INPP4B: variants seen among roughly 807,000 people sequenced by gnomAD.
INPP4B encodes inositol polyphosphate-4-phosphatase type II B, also known as inositol polyphosphate 4-phosphatase type II.
INPP4B carries 55 observed loss-of-function variants against 122.5 expected under a neutral mutation model. The ratio of observed to expected loss-of-function variants is 0.45; its 90% CI spans 0.36 to 0.56. The LOEUF (loss-of-function observed/expected upper bound fraction) is 0.56, where lower values mean the gene tolerates loss of function less well. INPP4B is among the 20% of genes least tolerant of loss of function. INPP4B has a pLI of 0.00. For missense variants in INPP4B, 1,000 were observed against 1,097.7 expected, an observed-to-expected ratio of 0.91 and a Z score of 1.26; for synonymous variants, 403 against 388.7, an observed-to-expected ratio of 1.04 and a Z score of -0.43.
At chr4:142,487,797 C>T (rs775743981) in intron 2 of INPP4B, among the ~76,000 whole-genome samples, 9 of 152,098 alleles carry the variant, frequency 5.9e-5, no homozygotes, top group East Asian at 1.9e-4. Context: ...TCTTTATATA[C>T]GCACATATTA....
rs1344951059 is a variant in INPP4B, at chr4:142,412,292, ACTTT to A, written c.137-6972_137-6969del. On this transcript the variant is annotated intron_variant, in intron 5 of 25. Transcript: ENST00000262992. ...AAAAAGCCTAATAGCCCCTCTAATT[ACTTT>A]ATTAGTATAATATGCTTTTCTATTT... 6.6e-5 allele frequency among the ~76,000 whole-genome samples: 10 copies of A among 152,280 alleles called. No homozygotes were observed. The South Asian group carries it at 1.0e-3, about 16-fold the overall frequency.
intron 2 of INPP4B, among the ~76,000 whole-genome samples, chr4:142,585,240 T>C (rs1224029281): frequency 2.0e-5 from 3 of 152,190 alleles, no homozygotes; most frequent in Non-Finnish European, 2.9e-5. Context: ...CACTCAAGAA[T>C]GATGTTAGAA....
At chr4:142,217,348 G>T (rs748365393) in intron 12 of INPP4B, among the ~76,000 whole-genome samples, 13 of 152,162 alleles carry the variant, frequency 8.5e-5, no homozygotes, top group Non-Finnish European at 1.6e-4. Context: ...TTGTCCAACC[G>T]CAGTCTCCTA....
intron 25 of INPP4B, among the ~76,000 whole-genome samples, chr4:142,054,583 G>A (rs949264752): frequency 3.8e-5 from 2 of 53,138 alleles, no homozygotes; most frequent in African/African-American, 6.9e-5. Flanking sequence ...ACAGTCCAGA[G>A]GGTCCCATTT....
At chr4:142,578,172 G>C (rs1734255036) in intron 2 of INPP4B, among the ~76,000 whole-genome samples, 1 of 152,008 alleles carries the variant, frequency 6.6e-6, no homozygotes, top group African/African-American at 2.4e-5. Flanking sequence ...TTGAAGATGT[G>C]AGGGCATCAG....
rs189657649 is a variant in INPP4B, at chr4:142,278,523, G to A, written c.504-7749C>T. Among the ~76,000 whole-genome samples the A allele has an allele frequency of 2.0e-3, 302 of 152,024 alleles. 5 individuals carry two copies. The highest frequency in any genetic ancestry group is 0.018 in the Admixed American group (270 of 15,234). Reference sequence around the variant, plus strand: ...ATGATGGCAGTATTTAGGGCTCACAGGGACCTAAAACTATGAGGGGCAAAA... The same window carrying A: ...ATGATGGCAGTATTTAGGGCTCACAAGGACCTAAAACTATGAGGGGCAAAA... On this transcript the variant is annotated intron_variant, in intron 9 of 25. Transcript: ENST00000262992.
At chr4:142,717,575 T>C (rs771316692) in intron 2 of INPP4B, among the ~76,000 whole-genome samples, 4 of 152,132 alleles carry the variant, frequency 2.6e-5, no homozygotes, top group African/African-American at 9.7e-5. Flanking sequence ...AAAGGATTAG[T>C]TCTTGTCCTT....
At chr4:142,268,322 CAAAAAA>C (rs56908599) in intron 10 of INPP4B, among the ~76,000 whole-genome samples, 131 of 6,908 alleles carry the variant, frequency 0.019, 14 homozygotes, top group East Asian at 0.08. Flanking sequence ...GACTCCGTCT[CAAAAAA>C]AAAAAAAAAA....
intron 1 of INPP4B, among the ~76,000 whole-genome samples, chr4:142,799,753 G>A (rs1777772120): frequency 6.6e-6 from 1 of 151,738 alleles, no homozygotes; most frequent in Non-Finnish European, 1.5e-5. Context: ...CTGCAAGTTT[G>A]TTCCCTGTTT....
chr4:142,738,069 G>C (rs540535942), intron 1 of INPP4B, among the ~76,000 whole-genome samples: 16 of 152,240 alleles, frequency 1.1e-4, no homozygotes, highest in African/African-American at 3.9e-4. Flanking sequence ...CAGGGATCTA[G>C]AACTAGAAAT....
At chr4:142,607,497 A>G (rs1741515779) in intron 2 of INPP4B, among the ~76,000 whole-genome samples, 1 of 152,068 alleles carries the variant, frequency 6.6e-6, no homozygotes, top group Admixed American at 6.6e-5. Context: ...GCTTGATACC[A>G]TCGTTATTAG....
At chr4:142,228,011 G>A (rs1330252128) in intron 12 of INPP4B, among the ~76,000 whole-genome samples, 1 of 151,666 alleles carries the variant, frequency 6.6e-6, no homozygotes, top group African/African-American at 2.4e-5. Flanking sequence ...ATAACATTTG[G>A]TCAAGGATGG....
At chr4:142,627,726 T>C (rs1023513136) in intron 2 of INPP4B, among the ~76,000 whole-genome samples, 1 of 152,014 alleles carries the variant, frequency 6.6e-6, no homozygotes, top group Non-Finnish European at 1.5e-5. Context: ...TTTTTGGTTG[T>C]GTCTCTGCCC....
intron 7 of INPP4B, among the ~76,000 whole-genome samples, chr4:142,336,651 C>T (rs1013256850): frequency 6.6e-6 from 1 of 152,230 alleles, no homozygotes; most frequent in Non-Finnish European, 1.5e-5. Flanking sequence ...CTGTGATTCC[C>T]CTCCTCGTCC....
intron 7 of INPP4B, among the ~76,000 whole-genome samples, chr4:142,395,494 C>T (rs1799077592): frequency 6.6e-6 from 1 of 152,096 alleles, no homozygotes; most frequent in Non-Finnish European, 1.5e-5. Flanking sequence ...ACAGACTTTT[C>T]CCAGACCTTT....
intron 2 of INPP4B, among the ~76,000 whole-genome samples, chr4:142,720,946 T>A (rs13141925): frequency 7.2e-6 from 1 of 139,702 alleles, no homozygotes; most frequent in African/African-American, 2.7e-5. Flanking sequence ...CAGCATCATA[T>A]ATATAGAGAG....
chr4:142,593,158 G>C (rs1004122288), intron 2 of INPP4B, among the ~76,000 whole-genome samples: 7 of 151,718 alleles, frequency 4.6e-5, no homozygotes, highest in Admixed American at 3.3e-4. Context: ...AGGATTTTAG[G>C]GAAAAACTAG....
chr4:142,679,430 A>G (rs972339808), intron 2 of INPP4B, among the ~76,000 whole-genome samples: 1 of 151,918 alleles, frequency 6.6e-6, no homozygotes, highest in Non-Finnish European at 1.5e-5. Context: ...AAATTATTTT[A>G]TAATAGCTTA....
At chr4:142,763,816 G>T (rs993452756) in intron 1 of INPP4B, among the ~76,000 whole-genome samples, 7 of 151,858 alleles carry the variant, frequency 4.6e-5, no homozygotes, top group African/African-American at 1.7e-4. Context: ...TACAAATTTT[G>T]CTTTGTAAAA....
Sources: gnomAD v4.1 joint callset for allele counts (sites outside exome capture counted in the v4.1 genomes callset) on GRCh38, gnomAD v4.1.1 for gene constraint, MANE v1.5 for transcripts, NCBI Gene and HGNC (gene_info 2026-07-23, HGNC 2026-07-21) for gene names.